The following BNC2 variants were observed in gnomAD, a reference collection of about 807,000 sequenced individuals.
BNC2 encodes zinc finger protein basonuclin-2.
BNC2 carries 20 observed loss-of-function variants against 76.3 expected under a neutral mutation model. That is an observed-to-expected ratio of 0.26 (90% CI 0.18 to 0.38). BNC2 has a LOEUF of 0.38. Among genes scored for constraint, BNC2 ranks in the 10% least tolerant of loss-of-function variants. The probability of loss-of-function intolerance (pLI) is 1.00; values close to 1 mark genes in which losing one functional copy is unlikely to be tolerated. For synonymous variants in BNC2, 582 were observed against 514.8 expected (o/e 1.13, Z -1.77); for missense variants, 1,382 against 1,399.8 (o/e 0.99, Z 0.20).
rs146436563 is a variant in BNC2, at chr9:16,487,216, C to A, written c.670-49692G>T. Among the ~76,000 whole-genome samples, 142 of 152,258 alleles carry A rather than the reference C, an allele frequency of 9.3e-4. 1 individual carries two copies. The highest frequency in any genetic ancestry group is 3.1e-3 in the African/African-American group (130 of 41,538). On this transcript the variant is annotated intron_variant, in intron 5 of 6. Coordinates refer to ENST00000380672, the MANE Select transcript of BNC2 (RefSeq NM_017637.6). Reference sequence around the variant, plus strand: ...TCTTGAGGGGGTCAAACGTCCTCTCCTAGCTACAGACCAGAGGATGTAATA... The same window carrying A: ...TCTTGAGGGGGTCAAACGTCCTCTCATAGCTACAGACCAGAGGATGTAATA...
intron 3 of BNC2, among the ~76,000 whole-genome samples, chr9:16,705,813 A>G (rs1402612373): frequency 6.6e-6 from 1 of 152,218 alleles, no homozygotes; most frequent in African/African-American, 2.4e-5. Context: ...TTCAATTTAG[A>G]TTTACAAAAC....
chr9:16,525,466 G>A (rs1402608024), intron 5 of BNC2, among the ~76,000 whole-genome samples: 1 of 152,070 alleles, frequency 6.6e-6, no homozygotes, highest in Non-Finnish European at 1.5e-5. Flanking sequence ...GAAAAAAAAT[G>A]GAAACAGAAA....
At chr9:16,771,552 A>C (rs1317050749) in intron 1 of BNC2, among the ~76,000 whole-genome samples, 1 of 152,220 alleles carries the variant, frequency 6.6e-6, no homozygotes, top group Non-Finnish European at 1.5e-5. Flanking sequence ...TGGCTTGCCT[A>C]GCATATCCTG....
At chr9:16,688,611 A>T (rs1406594625) in intron 3 of BNC2, among the ~76,000 whole-genome samples, 2 of 152,242 alleles carry the variant, frequency 1.3e-5, no homozygotes, top group African/African-American at 4.8e-5. Flanking sequence ...GTTCACAGTG[A>T]TTAAGATTAT....
rs961554708 is a variant in BNC2 at position 16,596,738 on chromosome 9, G to T, written c.331-13653C>A. 3.9e-5 allele frequency among the ~76,000 whole-genome samples: 6 copies of T among 152,082 alleles called. 1 individual carries two copies. The highest frequency in any genetic ancestry group is 3.9e-4 in the Admixed American group (6 of 15,256). On this transcript the variant is annotated intron_variant, in intron 3 of 6. Coordinates refer to ENST00000380672, the MANE Select transcript of BNC2 (RefSeq NM_017637.6). ...ATAACTGCAACTTCTGCCCTCTCTA[G>T]ACTGCAGAGAAACAGGAGCCTTTAC...
intron 1 of BNC2, among the ~76,000 whole-genome samples, chr9:16,794,644 C>A (rs1236936527): frequency 2.0e-5 from 3 of 152,142 alleles, no homozygotes; most frequent in Non-Finnish European, 4.4e-5. Flanking sequence ...ATGCAATGAA[C>A]TATAATACTT....
At chr9:16,788,469 C>T (rs569706165) in intron 1 of BNC2, among the ~76,000 whole-genome samples, 16 of 150,044 alleles carry the variant, frequency 1.1e-4, no homozygotes, top group Non-Finnish European at 1.0e-4. Context: ...AGGAGAATGG[C>T]GTGAACCCAG....
At chr9:16,663,875 T>A (rs1340405947) in intron 3 of BNC2, among the ~76,000 whole-genome samples, 1 of 152,184 alleles carries the variant, frequency 6.6e-6, no homozygotes, top group East Asian at 1.9e-4. Context: ...CCTCATTGAA[T>A]AAATGTACTG....
chr9:16,499,553 A>G (rs1205245000), intron 5 of BNC2, among the ~76,000 whole-genome samples: 2 of 135,904 alleles, frequency 1.5e-5, no homozygotes, highest in Non-Finnish European at 3.1e-5. Flanking sequence ...TTTTTGAGAC[A>G]GAGTCTCACT....
intron 5 of BNC2, among the ~76,000 whole-genome samples, chr9:16,446,721 A>G (rs1821239085): frequency 6.6e-6 from 1 of 152,124 alleles, no homozygotes; most frequent in African/African-American, 2.4e-5. Flanking sequence ...TAATTCATAG[A>G]GTACTATGCC....
At chr9:16,721,834 T>C (rs1202718871) in intron 3 of BNC2, among the ~76,000 whole-genome samples, 1 of 152,192 alleles carries the variant, frequency 6.6e-6, no homozygotes, top group Non-Finnish European at 1.5e-5. Context: ...AGTTAATTCC[T>C]AGATCGATTC....
intron 1 of BNC2, among the ~76,000 whole-genome samples, chr9:16,854,277 T>C (rs1055439777): frequency 5.9e-5 from 9 of 152,330 alleles, no homozygotes; most frequent in Middle Eastern, 3.4e-3. Context: ...TTCTGGTCCA[T>C]AAAATAATAC....
At chr9:16,482,324 T>C (rs1822073634) in intron 5 of BNC2, among the ~76,000 whole-genome samples, 1 of 152,166 alleles carries the variant, frequency 6.6e-6, no homozygotes. Context: ...ATTTAATTTA[T>C]AAATAAATCA....
intron 3 of BNC2, among the ~76,000 whole-genome samples, chr9:16,709,402 G>C (rs977896473): frequency 6.6e-5 from 10 of 152,212 alleles, no homozygotes; most frequent in Admixed American, 3.9e-4. Context: ...CAGTGGAAGA[G>C]AGCCTGCTGA....
At chr9:16,603,814 T>C (rs1820306402) in intron 3 of BNC2, among the ~76,000 whole-genome samples, 1 of 152,172 alleles carries the variant, frequency 6.6e-6, no homozygotes, top group East Asian at 1.9e-4. Flanking sequence ...ATATACACTT[T>C]TCTTTAATTT....
rs1054963814 is a variant in BNC2, at chr9:16,704,249, C to T, written c.330+23548G>A. ...CGATTACAACTGAAGTCAAATCATA[C>T]ACACCCTCAGTAACTGTAAGCCTAA... is the stretch of plus-strand genomic sequence containing the variant. On this transcript the variant is annotated intron_variant, in intron 3 of 6. Transcript: ENST00000380672. Among the ~76,000 whole-genome samples the T allele has an allele frequency of 5.3e-5, 8 of 152,284 alleles. No homozygotes were observed. The Middle Eastern group carries it at 0.01, about 194-fold the overall frequency.
At chr9:16,489,466 C>G (rs926115297) in intron 5 of BNC2, among the ~76,000 whole-genome samples, 4 of 152,088 alleles carry the variant, frequency 2.6e-5, no homozygotes, top group Non-Finnish European at 4.4e-5. Flanking sequence ...TTTAAAAAGA[C>G]AAAATACAAA....
intron 1 of BNC2, among the ~76,000 whole-genome samples, chr9:16,791,723 T>C (rs565148696): frequency 1.8e-4 from 28 of 152,312 alleles, no homozygotes; most frequent in African/African-American, 6.5e-4. Context: ...TTCTATGACT[T>C]GCCCTATAAA....
At chr9:16,805,421 G>A (rs950750532) in intron 1 of BNC2, among the ~76,000 whole-genome samples, 8 of 151,982 alleles carry the variant, frequency 5.3e-5, no homozygotes, top group Admixed American at 3.3e-4. Context: ...CCGCCTCCTC[G>A]GTTCAAGTGA....
Sources: allele counts gnomAD v4.1 joint callset (sites outside exome capture counted in the v4.1 genomes callset), GRCh38; gene constraint gnomAD v4.1.1; transcripts MANE v1.5; gene names NCBI Gene and HGNC (gene_info 2026-07-23, HGNC 2026-07-21).